SNTG1: variants seen among roughly 807,000 people sequenced by gnomAD.
SNTG1 encodes gamma-1-syntrophin.
A neutral mutation model predicts 74.7 loss-of-function variants in SNTG1; 39 were observed. That is an observed-to-expected ratio of 0.52 (90% CI 0.40 to 0.68). SNTG1 has a LOEUF of 0.68. Among genes scored for constraint, SNTG1 ranks in the 30% least tolerant of loss-of-function variants. The pLI, the probability that SNTG1 is intolerant of heterozygous loss-of-function variation, is 0.00. For synonymous variants in SNTG1, 254 were observed against 217.1 expected, an observed-to-expected ratio of 1.17 and a Z score of -1.49; for missense variants, 685 against 609.5, an observed-to-expected ratio of 1.12 and a Z score of -1.30.
chr8:50,296,871 T>C (rs1462786583), intron 2 of SNTG1, among the ~76,000 whole-genome samples: 1 of 152,156 alleles, frequency 6.6e-6, no homozygotes, highest in African/African-American at 2.4e-5. Context: ...TTGAGGAAAT[T>C]AGTTATCCTG....
chr8:50,100,660 A>G (rs1041649551), intron 1 of SNTG1, among the ~76,000 whole-genome samples: 2 of 152,134 alleles, frequency 1.3e-5, no homozygotes, highest in Admixed American at 6.6e-5. Flanking sequence ...TTCTTTGAAG[A>G]GAAGCTTGTT....
chr8:50,289,146 A>G (rs893960618), intron 2 of SNTG1, among the ~76,000 whole-genome samples: 5 of 152,188 alleles, frequency 3.3e-5, no homozygotes, highest in Non-Finnish European at 7.3e-5. Flanking sequence ...AAGCCTGGGT[A>G]GAAGACTACT....
At chr8:50,388,888 A>G (rs2092614611) in intron 2 of SNTG1, among the ~76,000 whole-genome samples, 1 of 152,164 alleles carries the variant, frequency 6.6e-6, no homozygotes, top group Non-Finnish European at 1.5e-5. Flanking sequence ...GCTCACCACC[A>G]CAAATATCAA....
rs557485261 is a variant in SNTG1, at chr8:50,707,528, T to C, written c.1192-1358T>C. ...TATAATTTTTCTATGCTAATAAGGC[T>C]TAAACACATGAATGTAATTTTTGGT... On this transcript the variant is annotated intron_variant, in intron 16 of 18. Coordinates refer to ENST00000642720, the MANE Select transcript of SNTG1 (RefSeq NM_018967.5). 1.7e-4 allele frequency among the ~76,000 whole-genome samples: 26 copies of C among 152,294 alleles called. No homozygotes were observed. In the East Asian group the frequency reaches 2.9e-3, roughly 17 times the overall value.
chr8:50,175,114 G>C (rs1186440888), intron 2 of SNTG1, among the ~76,000 whole-genome samples: 1 of 152,024 alleles, frequency 6.6e-6, no homozygotes, highest in African/African-American at 2.4e-5. Context: ...GTCTATCATT[G>C]TTGGACATTT....
intron 1 of SNTG1, among the ~76,000 whole-genome samples, chr8:49,960,306 G>A (rs962064089): frequency 1.3e-5 from 2 of 152,058 alleles, no homozygotes; most frequent in African/African-American, 4.8e-5. Context: ...TGTTAACATT[G>A]AATATTTTGG....
intron 2 of SNTG1, among the ~76,000 whole-genome samples, chr8:50,393,663 T>C (rs1434110675): frequency 1.3e-5 from 2 of 152,220 alleles, no homozygotes; most frequent in East Asian, 1.9e-4. Flanking sequence ...ATTTTATACA[T>C]TGATTTTTCT....
At chr8:50,218,386 A>G (rs1006829690) in intron 2 of SNTG1, among the ~76,000 whole-genome samples, 2 of 152,184 alleles carry the variant, frequency 1.3e-5, no homozygotes, top group East Asian at 1.9e-4. Context: ...CATATCCACT[A>G]TATCAGAGTT....
At chr8:50,380,383 G>T (rs1228769664) in intron 2 of SNTG1, among the ~76,000 whole-genome samples, 1 of 152,102 alleles carries the variant, frequency 6.6e-6, no homozygotes, top group African/African-American at 2.4e-5. Context: ...TTCAGTTTGG[G>T]ACACACAAAG....
At chr8:50,391,483 T>C (rs1388588632) in intron 2 of SNTG1, among the ~76,000 whole-genome samples, 1 of 152,210 alleles carries the variant, frequency 6.6e-6, no homozygotes, top group Non-Finnish European at 1.5e-5. Flanking sequence ...CAGCATTTTA[T>C]TGAGGATTTT....
chr8:50,163,395 T>A (rs2082493426), intron 1 of SNTG1: 1 of 152,012 alleles, frequency 6.6e-6, no homozygotes, highest in African/African-American at 2.4e-5. Context: ...AAAATTTATG[T>A]CTTCCAGTTA....
At chr8:50,441,305 G>A (rs542272056) in intron 5 of SNTG1, among the ~76,000 whole-genome samples, 1 of 152,252 alleles carries the variant, frequency 6.6e-6, no homozygotes, top group Admixed American at 6.5e-5. Context: ...GTACAAGTTG[G>A]TGGGAAAATA....
intron 15 of SNTG1, among the ~76,000 whole-genome samples, chr8:50,674,206 G>A (rs1340979811): frequency 2.0e-5 from 3 of 152,076 alleles, no homozygotes; most frequent in Admixed American, 6.6e-5. Context: ...AGTTAAGGAG[G>A]AGTCCCTCCT....
At chr8:50,596,691 C>T (rs949912654) in intron 13 of SNTG1, among the ~76,000 whole-genome samples, 3 of 151,966 alleles carry the variant, frequency 2.0e-5, no homozygotes, top group Non-Finnish European at 2.9e-5. Context: ...TGTAGTACTA[C>T]GATGTCTAAC....
intron 12 of SNTG1, among the ~76,000 whole-genome samples, chr8:50,580,715 A>G (rs949698226): frequency 2.0e-5 from 3 of 152,110 alleles, no homozygotes; most frequent in African/African-American, 4.8e-5. Flanking sequence ...CCCTTCCATC[A>G]TGACTGTGTT....
intron 1 of SNTG1, among the ~76,000 whole-genome samples, chr8:50,013,476 T>G (rs1027391342): frequency 6.8e-6 from 1 of 147,894 alleles, no homozygotes; most frequent in African/African-American, 2.6e-5. Context: ...GATAGATAGA[T>G]AGATAGATAG....
intron 2 of SNTG1, among the ~76,000 whole-genome samples, chr8:50,300,072 T>C (rs1277352334): frequency 3.3e-5 from 5 of 152,162 alleles, no homozygotes; most frequent in Non-Finnish European, 5.9e-5. Flanking sequence ...TTGAGATTAG[T>C]TTTAGTATCT....
chr8:50,269,548 G>C (rs1433015234), intron 2 of SNTG1, among the ~76,000 whole-genome samples: 2 of 151,922 alleles, frequency 1.3e-5, no homozygotes, highest in Non-Finnish European at 2.9e-5. Flanking sequence ...AAAATAAAAA[G>C]TTAAGGAAAA....
At chr8:50,175,608 A>G (rs2082969551) in intron 2 of SNTG1, among the ~76,000 whole-genome samples, 1 of 152,178 alleles carries the variant, frequency 6.6e-6, no homozygotes, top group African/African-American at 2.4e-5. Flanking sequence ...ATGCTTTCAC[A>G]CTACCATTGT....
Sources: allele counts gnomAD v4.1 joint callset (sites outside exome capture counted in the v4.1 genomes callset), GRCh38; gene constraint gnomAD v4.1.1; transcripts MANE v1.5; gene names NCBI Gene and HGNC (gene_info 2026-07-23, HGNC 2026-07-21).